Variants in HMCN1 observed in about 807,000 individuals in gnomAD.
HMCN1 encodes hemicentin 1, also known as hemicentin-1.
In HMCN1, 321 loss-of-function variants were observed where a neutral mutation model predicts 625.9. The ratio of observed to expected loss-of-function variants is 0.51; its 90% confidence interval spans 0.47 to 0.56. The LOEUF is 0.56. Ranked by LOEUF, HMCN1 falls within the 20% of genes least tolerant of loss-of-function variation. The pLI is 0.00. For synonymous variants in HMCN1, 2,425 were observed against 2,417.6 expected (o/e 1.00, Z -0.09); for missense variants, 6,588 against 6,887.3 (o/e 0.96, Z 1.54).
rs535789011 is a variant in HMCN1, at chr1:186,159,225, CTCTG to C, written c.15256+5244_15256+5247del. 1.1e-3 allele frequency among the ~76,000 whole-genome samples: 175 copies of C among 152,212 alleles called. 2 individuals are homozygous for C. The East Asian group carries it at 0.029, about 25-fold the overall frequency. On this transcript the variant is annotated intron_variant, in intron 97 of 106. Transcript: ENST00000271588. ...ATGGGAGTTCACTCATGATTTGGCT[CTCTG>C]TCTGTTATTGGTGTGCTTGTGATTT... is the stretch of plus-strand genomic sequence containing the variant.
intron 36 of HMCN1, among the ~76,000 whole-genome samples, chr1:186,023,707 T>C (rs1654870087): frequency 6.6e-6 from 1 of 152,136 alleles, no homozygotes; most frequent in East Asian, 1.9e-4. Context: ...AATTAGAGGG[T>C]TGGACTTTCC....
chr1:185,892,538 C>T (rs968144316), intron 4 of HMCN1, among the ~76,000 whole-genome samples: 1 of 152,074 alleles, frequency 6.6e-6, no homozygotes, highest in Non-Finnish European at 1.5e-5. Context: ...CAGACAGGAC[C>T]CTCAGCTGCA....
At position 186,119,862 on chromosome 1, in the gene HMCN1, G is replaced by T. The variant is rs146671871; in HGVS notation, c.12074G>T (p.Gly4025Val). Reference protein sequence around the residue: ...PSPFITWQKEGINVNTSGRNH... With the variant: ...PSPFITWQKEVINVNTSGRNH... ...CCTTTCATTACTTGGCAAAAAGAAG[G>T]CATCAATGTTAACACTTCAGGTACC... The change falls in exon 79 of 107, where the codon GGC becomes GTC. Residue 4025 changes from glycine to valine, a missense_variant. Gly to Val is a moderately radical substitution (Grantham distance 109). Around this residue, in one of 3 missense-constraint regions of HMCN1, gnomAD observed 6 missense variants for 21.1 expected, o/e 0.28. Transcript: ENST00000271588. The T allele has an allele frequency of 1.9e-6, 3 of 1,614,032 alleles. No individual in the cohort carries two copies. Among genetic ancestry groups the T allele is most frequent in the Non-Finnish European group, 2.5e-6 (3 of 1,179,968 alleles).
At chr1:186,002,602 C>G (rs1653271749) in intron 28 of HMCN1, among the ~76,000 whole-genome samples, 2 of 152,060 alleles carry the variant, frequency 1.3e-5, no homozygotes, top group African/African-American at 4.8e-5. Flanking sequence ...CATTATTTCT[C>G]CTGGTACTTG....
In HMCN1 at chr1:185,994,891, T is replaced by C. The variant is rs771526555; in HGVS notation, c.3582T>C (p.Ala1194=). The change falls in exon 24 of 107, where the codon GCT becomes GCC. Residue 1194 remains alanine, a synonymous_variant. Transcript: ENST00000271588. ...AAAGAGTGGATATTCCATGTAATGCTCAAGGGACTCCTCTTCCTGTAATCA... is the reference window on the plus strand; with the variant it reads ...AAAGAGTGGATATTCCATGTAATGCCCAAGGGACTCCTCTTCCTGTAATCA... ...VGQRVDIPCN[A]QGTPLPVITW... 56 of 1,613,704 alleles carry C rather than the reference T, an allele frequency of 3.5e-5. No homozygotes were observed. The highest frequency in any genetic ancestry group is 1.7e-6 in the Non-Finnish European group (2 of 1,179,812).
At chr1:185,843,443 T>G (rs1330435890) in intron 1 of HMCN1, among the ~76,000 whole-genome samples, 1 of 152,164 alleles carries the variant, frequency 6.6e-6, no homozygotes, top group Non-Finnish European at 1.5e-5. Flanking sequence ...CTATAAGCAC[T>G]GGAGACCATG....
At position 185,833,477 on chromosome 1, in the gene HMCN1, A is replaced by G. The variant is rs113249729; in HGVS notation, c.269-12549A>G. Among the ~76,000 whole-genome samples the G allele has an allele frequency of 2.2e-3, 330 of 152,356 alleles. 1 individual carries two copies. The highest frequency in any genetic ancestry group is 2.8e-3 in the Admixed American group (43 of 15,308). Reference sequence around the variant, plus strand: ...GACTTAAAAATTATAAAAAAGTGTCAGAAGTAGTGTGTTTGCCAGTGAAGA... The same window carrying G: ...GACTTAAAAATTATAAAAAAGTGTCGGAAGTAGTGTGTTTGCCAGTGAAGA... On this transcript the variant is annotated intron_variant, in intron 1 of 106. Transcript: ENST00000271588.
At chr1:185,780,237 G>C (rs1656966145) in intron 1 of HMCN1, among the ~76,000 whole-genome samples, 1 of 152,184 alleles carries the variant, frequency 6.6e-6, no homozygotes, top group South Asian at 2.1e-4. Flanking sequence ...TCAGCTTAAG[G>C]AGATTTTGGG....
chr1:185,737,159 ATTT>A (rs879391788), intron 1 of HMCN1, among the ~76,000 whole-genome samples: 2 of 139,988 alleles, frequency 1.4e-5, no homozygotes, highest in Non-Finnish European at 1.6e-5. Context: ...GTTGTTGTTT[ATTT>A]TTTTTTTTTT....
intron 1 of HMCN1, among the ~76,000 whole-genome samples, chr1:185,766,441 A>T (rs1348686432): frequency 6.6e-6 from 1 of 152,130 alleles, no homozygotes; most frequent in Non-Finnish European, 1.5e-5. Context: ...TGAGATCCCA[A>T]GGGCTAAAGC....
chr1:185,875,658 G>T (rs1663882059), intron 4 of HMCN1, among the ~76,000 whole-genome samples: 1 of 151,988 alleles, frequency 6.6e-6, no homozygotes, highest in Admixed American at 6.6e-5. Flanking sequence ...TCTGTGATAT[G>T]ATGTTCTCCC....
intron 69 of HMCN1, among the ~76,000 whole-genome samples, chr1:186,106,516 C>T (rs1660616978): frequency 6.6e-6 from 1 of 152,072 alleles, no homozygotes; most frequent in South Asian, 2.1e-4. Context: ...TTGAGAAAGG[C>T]TTCGTTTTAA....
chr1:186,016,286 C>A, intron 32 of HMCN1, 47 bp downstream of exon 32: 1 of 1,550,362 alleles, frequency 6.5e-7, no homozygotes, highest in South Asian at 1.1e-5. Flanking sequence ...ATAGCAAAAC[C>A]TGATTAGTTT....
chr1:185,977,945 A>T lies in HMCN1; in HGVS notation c.2530A>T (p.Ile844Phe). Residue 844 changes from isoleucine to phenylalanine, a missense_variant, in exon 16 of 107, where the codon ATC (isoleucine) becomes TTC (phenylalanine). By Grantham distance (21) the Ile-to-Phe change is conservative. This residue lies in a region of HMCN1 where 4,628 missense variants were observed against 4,853.1 expected (regional missense o/e 0.95). Transcript: ENST00000271588. ...CTCAAGACCTTTTTCAGTTAGTTCC[A>T]TCAGCCAACTAAGAACAGGAGCTCT... Reference protein sequence around the residue: ...IFSRPFSVSSISQLRTGALFI... With the variant: ...IFSRPFSVSSFSQLRTGALFI... 2 of 1,613,254 alleles carry T rather than the reference A, an allele frequency of 1.2e-6. No homozygotes were observed. Among genetic ancestry groups the T allele is most frequent in the Non-Finnish European group, 1.7e-6 (2 of 1,179,422 alleles).
At chr1:186,168,719 G>A (rs968092020) in intron 100 of HMCN1, among the ~76,000 whole-genome samples, 1 of 151,882 alleles carries the variant, frequency 6.6e-6, no homozygotes, top group Non-Finnish European at 1.5e-5. Flanking sequence ...GGAAAATTTT[G>A]ATTATATCTA....
intron 4 of HMCN1, among the ~76,000 whole-genome samples, chr1:185,907,408 A>G (rs1666156367): frequency 6.6e-6 from 1 of 151,880 alleles, no homozygotes; most frequent in Non-Finnish European, 1.5e-5. Context: ...TGGGATCTCT[A>G]GGATGAAATC....
intron 48 of HMCN1, among the ~76,000 whole-genome samples, chr1:186,064,809 C>CAA (rs541377417): frequency 0.023 from 2,176 of 95,218 alleles, 83 homozygotes; most frequent in Middle Eastern, 0.049. Context: ...GACTTCATCT[C>CAA]AAAAAAAAAA....
chr1:186,057,346 C>G lies in HMCN1; in HGVS notation c.7257C>G (p.Thr2419=). ...CTGGAATTCCCCTGCCTTCCATAAC[C>G]TGGTTCAAAGATGGGTGGCCTGTCA... is the stretch of plus-strand genomic sequence containing the variant. ...EASGIPLPSI[T]WFKDGWPVSL... is the part of the protein sequence containing the mutation. Residue 2419 remains threonine (T), a synonymous_variant, in exon 46 of 107, where the codon ACC becomes ACG. Transcript: ENST00000271588. 2 of 1,610,730 alleles carry G rather than the reference C, an allele frequency of 1.2e-6. No individual in the cohort carries two copies. Among genetic ancestry groups the G allele is most frequent in the South Asian group, 1.1e-5 (1 of 91,012 alleles).
intron 1 of HMCN1, among the ~76,000 whole-genome samples, chr1:185,842,057 G>C (rs2102310416): frequency 6.6e-6 from 1 of 152,110 alleles, no homozygotes; most frequent in East Asian, 1.9e-4. Context: ...GGTTCTTTCT[G>C]GAAAAAAAGT....
Sources: allele counts gnomAD v4.1 joint callset (sites outside exome capture counted in the v4.1 genomes callset), GRCh38; gene constraint gnomAD v4.1.1; regional missense constraint gnomAD v4.1.1; transcripts MANE v1.5; gene names NCBI Gene and HGNC (gene_info 2026-07-23, HGNC 2026-07-21).